RTL4: variants seen among roughly 807,000 people sequenced by gnomAD.
RTL4 encodes retrotransposon Gag like 4, also known as retrotransposon Gag-like protein 4.
A neutral mutation model predicts 5.3 loss-of-function variants in RTL4; 4 were observed. The ratio of observed to expected loss-of-function variants is 0.75; its 90% CI spans 0.37 to 1.72. The LOEUF (loss-of-function observed/expected upper bound fraction) is 1.72, where lower values mean the gene tolerates loss of function less well. Among genes scored for constraint, RTL4 ranks in the 40% most tolerant of loss-of-function variants. The pLI is 0.04. For missense variants in RTL4, 260 were observed against 227.1 expected (o/e 1.14, Z -0.93); for synonymous variants, 98 against 87.3 (o/e 1.12, Z -0.68).
chrX:112,308,056 A>G, the RTL4 span, among the ~76,000 whole-genome samples: 1 of 111,667 alleles, frequency 9.0e-6, no homozygotes, highest in African/African-American at 3.2e-5. Context: ...TATTTGATAT[A>G]AGCAAAAGTT....
the RTL4 span, among the ~76,000 whole-genome samples, chrX:112,194,500 A>C: frequency 8.9e-6 from 1 of 111,901 alleles, no homozygotes; most frequent in African/African-American, 3.2e-5. Flanking sequence ...TGGCACCCTG[A>C]TCTTGGACTT....
the RTL4 span, among the ~76,000 whole-genome samples, chrX:112,428,595 G>A: frequency 9.0e-6 from 1 of 111,575 alleles, no homozygotes. Flanking sequence ...CTTGATGAAT[G>A]TTCCATGTGA....
At chrX:112,132,298 AGCAGGCAG>A in the RTL4 span, among the ~76,000 whole-genome samples, 8 of 111,546 alleles carry the variant, frequency 7.2e-5, no homozygotes, top group African/African-American at 2.3e-4. Flanking sequence ...GAGGAAGATA[AGCAGGCAG>A]GCAGGCAGAA....
At chrX:112,097,008 G>A in the RTL4 span, among the ~76,000 whole-genome samples, 1 of 112,198 alleles carries the variant, frequency 8.9e-6, no homozygotes, top group African/African-American at 3.2e-5. Flanking sequence ...CCTTTATTGG[G>A]AAATTGGGAA....
the RTL4 span, among the ~76,000 whole-genome samples, chrX:112,423,111 T>TG: frequency 0.14 from 15,033 of 107,397 alleles, 1,061 homozygotes; most frequent in East Asian, 0.23. Context: ...TCATTGTGTG[T>TG]GGGGGGGGGA....
chrX:112,194,427 A>G, the RTL4 span, among the ~76,000 whole-genome samples: 1 of 111,192 alleles, frequency 9.0e-6, no homozygotes, highest in African/African-American at 3.3e-5. Context: ...CCATATGAAG[A>G]CATAGTGAGA....
chrX:112,186,372 G>A, the RTL4 span, among the ~76,000 whole-genome samples: 2 of 112,046 alleles, frequency 1.8e-5, no homozygotes, highest in Non-Finnish European at 3.8e-5. Context: ...AGTTCTTAAT[G>A]TCTGCTTCCT....
chrX:112,094,330 C>T, the RTL4 span, among the ~76,000 whole-genome samples: 1 of 110,817 alleles, frequency 9.0e-6, no homozygotes, highest in Non-Finnish European at 1.9e-5. Flanking sequence ...AATAGTGATA[C>T]CATTTCACTG....
At chrX:112,112,207 C>T in the RTL4 span, among the ~76,000 whole-genome samples, 1 of 112,092 alleles carries the variant, frequency 8.9e-6, no homozygotes, top group Non-Finnish European at 1.9e-5. Context: ...CTAAGAACTC[C>T]AAGAGCTATT....
At chrX:112,173,168 GA>G in the RTL4 span, among the ~76,000 whole-genome samples, 5 of 105,057 alleles carry the variant, frequency 4.8e-5, no homozygotes, top group Non-Finnish European at 7.9e-5. Context: ...AAAAGTTGAT[GA>G]AAAAAAAACA....
At chrX:112,216,805 T>C in the RTL4 span, among the ~76,000 whole-genome samples, 1 of 112,058 alleles carries the variant, frequency 8.9e-6, no homozygotes, top group African/African-American at 3.2e-5. Flanking sequence ...GGATGAGGAA[T>C]TGGCTCATTT....
the RTL4 span, among the ~76,000 whole-genome samples, chrX:112,295,191 G>A: frequency 9.0e-6 from 1 of 111,356 alleles, no homozygotes; most frequent in East Asian, 2.8e-4. Context: ...AATGATTTTG[G>A]CCACTCAGAG....
the RTL4 span, among the ~76,000 whole-genome samples, chrX:112,374,632 T>C: frequency 8.9e-6 from 1 of 112,234 alleles, no homozygotes; most frequent in South Asian, 3.7e-4. Flanking sequence ...AATGTCCCTC[T>C]GTTTATTTAA....
At chrX:112,110,503 T>G in the RTL4 span, among the ~76,000 whole-genome samples, 1 of 111,610 alleles carries the variant, frequency 9.0e-6, no homozygotes, top group African/African-American at 3.3e-5. Flanking sequence ...TGAGGGGCAC[T>G]GATAGGGTCT....
At chrX:112,130,332 A>G in the RTL4 span, among the ~76,000 whole-genome samples, 18 of 106,296 alleles carry the variant, frequency 1.7e-4, no homozygotes, top group African/African-American at 5.8e-4. Flanking sequence ...TAGTGTAGAT[A>G]GACAATTAGA....
chrX:112,217,733 A>C, the RTL4 span, among the ~76,000 whole-genome samples: 3 of 112,085 alleles, frequency 2.7e-5, no homozygotes, highest in African/African-American at 9.7e-5. Context: ...TGCTTAACAT[A>C]GAGTTGGCCT....
the RTL4 span, among the ~76,000 whole-genome samples, chrX:112,302,859 C>T: frequency 3.6e-5 from 4 of 112,390 alleles, no homozygotes; most frequent in South Asian, 3.6e-4. Flanking sequence ...ACTATCTAGA[C>T]GTTCATTATT....
At chrX:112,128,659 CAAAA>C in the RTL4 span, among the ~76,000 whole-genome samples, 10 of 41,120 alleles carry the variant, frequency 2.4e-4, no homozygotes, top group African/African-American at 5.5e-4. Context: ...CTCTGTCTCA[CAAAA>C]AAAAAAAAAA....
At chrX:112,425,088 C>A in the RTL4 span, among the ~76,000 whole-genome samples, 2 of 111,357 alleles carry the variant, frequency 1.8e-5, no homozygotes, top group Admixed American at 9.6e-5. Flanking sequence ...GCCTATTCAT[C>A]CCTCCCTTTC....
Sources: gnomAD v4.1 joint callset for allele counts (sites outside exome capture counted in the v4.1 genomes callset) on GRCh38, gnomAD v4.1.1 for gene constraint, MANE v1.5 for transcripts, NCBI Gene and HGNC (gene_info 2026-07-23, HGNC 2026-07-21) for gene names.